CDH12: variants seen among roughly 807,000 people sequenced by gnomAD.
The protein encoded by CDH12 is cadherin-12.
A neutral mutation model predicts 74.1 loss-of-function variants in CDH12; 41 were observed. The ratio of observed to expected loss-of-function variants is 0.55; its 90% CI spans 0.43 to 0.72. The LOEUF is 0.72. CDH12 is among the 30% of genes least tolerant of loss of function. CDH12 has a pLI of 0.00. For missense variants in CDH12, 945 were observed against 977.2 expected, an observed-to-expected ratio of 0.97 and a Z score of 0.44; for synonymous variants, 399 against 355.0, an observed-to-expected ratio of 1.12 and a Z score of -1.39.
At chr5:21,803,246 T>C (rs1344063824) in intron 9 of CDH12, among the ~76,000 whole-genome samples, 1 of 152,156 alleles carries the variant, frequency 6.6e-6, no homozygotes, top group East Asian at 1.9e-4. Flanking sequence ...TTAAATACTT[T>C]TGGATGTCTA....
intron 3 of CDH12, among the ~76,000 whole-genome samples, chr5:22,278,239 T>C (rs1736726453): frequency 6.6e-6 from 1 of 152,202 alleles, no homozygotes; most frequent in Admixed American, 6.5e-5. Context: ...GAATAAAGCA[T>C]AGTCATAAGG....
chr5:22,815,110 G>T (rs1017441030), intron 1 of CDH12, among the ~76,000 whole-genome samples: 1 of 152,142 alleles, frequency 6.6e-6, no homozygotes, highest in Non-Finnish European at 1.5e-5. Flanking sequence ...AGAAAGATGG[G>T]TATTAGATCC....
chr5:22,342,682 TTTTC>T lies in CDH12; in HGVS notation c.-333+62571_-333+62574del, dbSNP rs555399045. Among the ~76,000 whole-genome samples, 415 of 149,532 alleles carry T rather than the reference TTTTC, an allele frequency of 2.8e-3. 3 individuals are homozygous for T. The highest frequency in any genetic ancestry group is 8.1e-3 in the African/African-American group (327 of 40,472). On this transcript the variant is annotated intron_variant, in intron 3 of 14. Transcript: ENST00000382254. ...CTTTCTCTTTCTTTCCTTTCCTTCT[TTTTC>T]TTTCTTTCTTCTTTTTTCTTTCCTT...
At chr5:22,513,405 C>G (rs1262954570) in intron 1 of CDH12, among the ~76,000 whole-genome samples, 3 of 152,060 alleles carry the variant, frequency 2.0e-5, no homozygotes, top group Non-Finnish European at 2.9e-5. Flanking sequence ...CAGCTTTTCT[C>G]CCACAAGCAC....
intron 1 of CDH12, among the ~76,000 whole-genome samples, chr5:22,823,330 A>G (rs902230673): frequency 2.0e-5 from 3 of 152,026 alleles, no homozygotes; most frequent in East Asian, 3.9e-4. Context: ...ACATGTATAC[A>G]TATGTAACAA....
chr5:22,117,787 T>A (rs1426930827), intron 4 of CDH12, among the ~76,000 whole-genome samples: 2 of 148,568 alleles, frequency 1.3e-5, no homozygotes, highest in Non-Finnish European at 3.0e-5. Context: ...TCTGTAATAA[T>A]ACTGATGTTA....
intron 5 of CDH12, among the ~76,000 whole-genome samples, chr5:22,039,273 CT>C (rs1295740770): frequency 1.2e-4 from 18 of 152,074 alleles, no homozygotes; most frequent in African/African-American, 4.3e-4. Flanking sequence ...ACCTCTTCTT[CT>C]CCAGAGCTGG....
At chr5:21,935,743 A>G (rs535891562) in intron 6 of CDH12, among the ~76,000 whole-genome samples, 54 of 152,118 alleles carry the variant, frequency 3.5e-4, no homozygotes, top group African/African-American at 1.2e-3. Context: ...TTCCTCCCAA[A>G]CCCTCACTAC....
chr5:21,949,811 C>G (rs1218976217), intron 6 of CDH12, among the ~76,000 whole-genome samples: 1 of 151,996 alleles, frequency 6.6e-6, no homozygotes, highest in Non-Finnish European at 1.5e-5. Context: ...ACAAAAGAGT[C>G]AAAAAGTTAA....
At chr5:21,847,398 C>T (rs2149992983) in intron 7 of CDH12, among the ~76,000 whole-genome samples, 1 of 152,190 alleles carries the variant, frequency 6.6e-6, no homozygotes, top group South Asian at 2.1e-4. Context: ...CCTAAAACAA[C>T]ATAAACTTAC....
chr5:22,178,189 C>T (rs1305849523), intron 4 of CDH12, among the ~76,000 whole-genome samples: 1 of 152,176 alleles, frequency 6.6e-6, no homozygotes, highest in Non-Finnish European at 1.5e-5. Context: ...CCTATCCTTT[C>T]TCATGCTAAC....
chr5:22,797,726 C>T (rs1476425012), intron 1 of CDH12, among the ~76,000 whole-genome samples: 1 of 151,708 alleles, frequency 6.6e-6, no homozygotes, highest in Non-Finnish European at 1.5e-5. Context: ...ACTATTTTAC[C>T]TCATTTAAAT....
intron 3 of CDH12, among the ~76,000 whole-genome samples, chr5:22,226,149 G>A (rs1752187582): frequency 6.6e-6 from 1 of 151,650 alleles, no homozygotes; most frequent in Non-Finnish European, 1.5e-5. Flanking sequence ...AAATACAAGT[G>A]TAAAGATATA....
At chr5:22,420,190 G>T (rs1437313152) in intron 2 of CDH12, among the ~76,000 whole-genome samples, 2 of 151,520 alleles carry the variant, frequency 1.3e-5, no homozygotes, top group Non-Finnish European at 2.9e-5. Context: ...ATATCCCATT[G>T]GTCAATTTTT....
chr5:22,412,700 G>A (rs192083767), intron 2 of CDH12, among the ~76,000 whole-genome samples: 4 of 151,826 alleles, frequency 2.6e-5, no homozygotes, highest in Admixed American at 6.6e-5. Context: ...GAGGTGAGAC[G>A]GCCATGGGCA....
chr5:22,557,429 T>C (rs1738845003), intron 1 of CDH12, among the ~76,000 whole-genome samples: 1 of 152,072 alleles, frequency 6.6e-6, no homozygotes, highest in African/African-American at 2.4e-5. Context: ...ACGGATACAA[T>C]TTTTACAGGT....
intron 5 of CDH12, among the ~76,000 whole-genome samples, chr5:22,063,902 A>G (rs1741370751): frequency 6.6e-6 from 1 of 151,922 alleles, no homozygotes; most frequent in African/African-American, 2.4e-5. Flanking sequence ...TACACTGCAG[A>G]TCGGACATGC....
Position 22,377,084 on chromosome 5 carries a change from C to T in CDH12, c.-333+28173G>A, listed in dbSNP as rs141829082. ...CCTAAATTTTTCCTACTGGCTGTCT[C>T]CATGCTGAATCATAGATAGGTGTAT... On this transcript the variant is annotated intron_variant, in intron 3 of 14. Transcript: ENST00000382254. Among the ~76,000 whole-genome samples, 228 of 152,152 alleles carry T rather than the reference C, an allele frequency of 1.5e-3. 2 individuals carry two copies. Among genetic ancestry groups the T allele is most frequent in the African/African-American group, 5.0e-3 (208 of 41,508 alleles).
intron 6 of CDH12, chr5:21,883,583 C>T (rs1752474522): frequency 2.5e-6 from 4 of 1,603,672 alleles, no homozygotes; most frequent in South Asian, 1.1e-5. Flanking sequence ...AGGGGTTGAC[C>T]CTGAATCTTG....
Sources: allele counts gnomAD v4.1 joint callset (sites outside exome capture counted in the v4.1 genomes callset), GRCh38; gene constraint gnomAD v4.1.1; transcripts MANE v1.5; gene names NCBI Gene and HGNC (gene_info 2026-07-23, HGNC 2026-07-21).